LIG1: variants seen among roughly 807,000 people sequenced by gnomAD.
The protein encoded by LIG1 is DNA ligase 1, also known as ligase I, DNA, ATP-dependent.
A neutral mutation model predicts 115.7 loss-of-function variants in LIG1; 70 were observed. That is an observed-to-expected ratio of 0.60 (90% CI 0.50 to 0.74). The LOEUF (loss-of-function observed/expected upper bound fraction) is 0.74, where lower values mean the gene tolerates loss of function less well. LIG1 is among the 30% of genes least tolerant of loss of function. The pLI, the probability that LIG1 is intolerant of heterozygous loss-of-function variation, is 0.00. For missense variants in LIG1, 1,115 were observed against 1,225.6 expected, an observed-to-expected ratio of 0.91 and a Z score of 1.35; for synonymous variants, 487 against 495.3, an observed-to-expected ratio of 0.98 and a Z score of 0.22.
intron 9 of LIG1, among the ~76,000 whole-genome samples, chr19:48,146,421 T>C (rs532402037): frequency 2.0e-4 from 30 of 152,220 alleles, no homozygotes; most frequent in South Asian, 1.0e-3. Context: ...TTTGATGTCA[T>C]GCCTCTACAA....
chr19:48,170,155 C>T, intron 1 of LIG1, 86 bp downstream of exon 1: 1 of 453,180 alleles, frequency 2.2e-6, no homozygotes, highest in Admixed American at 2.4e-5. Context: ...TCTGCAGACA[C>T]CCCGACATGG....
At position 48,127,919 on chromosome 19, in the gene LIG1, G is replaced by T; in HGVS notation, c.1923C>A (p.Arg641=). The change falls in exon 20 of 28, where the codon CGC becomes CGA. Residue 641 remains arginine (R), a synonymous_variant. Transcript: ENST00000263274. ...GAGCGGGTGATGCTACCTTGCGTTT[G>T]CGGGTGGTGAGCACTTGGAATGGCT... ...QIQPFQVLTT[R]KRKEVDASEI... 6.2e-7 allele frequency: 1 copy of T among 1,613,866 alleles called. No individual in the cohort carries two copies. The highest frequency in any genetic ancestry group is 8.5e-7 in the Non-Finnish European group (1 of 1,179,776).
intron 5 of LIG1, among the ~76,000 whole-genome samples, chr19:48,155,844 TTCC>T (rs1176724687): frequency 2.6e-5 from 4 of 152,158 alleles, no homozygotes; most frequent in Non-Finnish European, 5.9e-5. Flanking sequence ...ACCAAAGCTG[TTCC>T]AAAATGATGT....
At chr19:48,146,900 T>C (rs1309935026) in intron 9 of LIG1, among the ~76,000 whole-genome samples, 1 of 152,160 alleles carries the variant, frequency 6.6e-6, no homozygotes, top group East Asian at 1.9e-4. Context: ...CTGTGTGACC[T>C]GGCGAGGCCC....
chr19:48,116,159 G>A lies in LIG1; in HGVS notation c.2584-194C>T, dbSNP rs998556134. The A allele has an allele frequency of 3.5e-5, 21 of 603,930 alleles. No individual in the cohort carries two copies. In the African/African-American group the frequency reaches 3.8e-4, roughly 11 times the overall value. The allele number at this position is 603,930 out of a possible 1,614,324, so 37.4% of individuals were successfully genotyped here. On this transcript the variant is annotated intron_variant, in intron 26 of 27. Transcript: ENST00000263274. The stretch of plus-strand genomic sequence containing the variant: ...AGTAAGTGCTCAAGAAATGCTGCCT[G>A]TTGGCCGGGTGCGGTGGCTCACCCC...
intron 7 of LIG1, among the ~76,000 whole-genome samples, chr19:48,150,938 T>C (rs931435506): frequency 7.2e-5 from 11 of 151,866 alleles, no homozygotes; most frequent in African/African-American, 1.9e-4. Context: ...TGGGCTCAAG[T>C]AGTCCACCCA....
intron 5 of LIG1, among the ~76,000 whole-genome samples, chr19:48,156,420 C>T (rs2035841310): frequency 1.3e-5 from 2 of 152,232 alleles, no homozygotes. Flanking sequence ...GGGCTGGGCC[C>T]AGTTCTGAGC....
rs562330733 is a variant in LIG1 at position 48,129,202 on chromosome 19, G to A, written c.1822-1182C>T. On this transcript the variant is annotated intron_variant, in intron 19 of 27. Transcript: ENST00000263274. ...CAAGTAGCTGGGACTACAAGAGCAC[G>A]CCACCACATCCAGCTAATTTCTGTA... Among the ~76,000 whole-genome samples, 15 of 151,090 alleles carry A rather than the reference G, an allele frequency of 9.9e-5. No homozygotes were observed. The South Asian group carries it at 2.9e-3, about 29-fold the overall frequency.
At chr19:48,161,048 T>C (rs749660086) in intron 4 of LIG1, 67 of 390,648 alleles carry the variant, frequency 1.7e-4, no homozygotes, top group Admixed American at 5.2e-4. Flanking sequence ...TGAGCCCTTG[T>C]TTTACCATCA....
At chr19:48,151,588 T>A (rs970944956) in intron 6 of LIG1, among the ~76,000 whole-genome samples, 3 of 151,944 alleles carry the variant, frequency 2.0e-5, no homozygotes, top group Non-Finnish European at 4.4e-5. Flanking sequence ...CACCACCACA[T>A]CCAGCTATTT....
intron 23 of LIG1, among the ~76,000 whole-genome samples, chr19:48,121,800 TTAAAA>T (rs1258636223): frequency 6.6e-6 from 1 of 151,944 alleles, no homozygotes; most frequent in African/African-American, 2.4e-5. Context: ...AAACTCCGTC[TTAAAA>T]TAAATAAATA....
At chr19:48,146,834 T>C (rs2035147982) in intron 9 of LIG1, among the ~76,000 whole-genome samples, 1 of 152,192 alleles carries the variant, frequency 6.6e-6, no homozygotes, top group Non-Finnish European at 1.5e-5. Flanking sequence ...AAGAAATAAC[T>C]GCTAGGAATC....
chr19:48,165,453 G>T, intron 2 of LIG1, 97 bp downstream of exon 2: 1 of 1,043,108 alleles, frequency 9.6e-7, no homozygotes, highest in Non-Finnish European at 1.5e-6. Context: ...TAACGTAAGA[G>T]TTTTTGTTTG....
chr19:48,140,628 G>A (rs948308339), intron 11 of LIG1, among the ~76,000 whole-genome samples: 2 of 152,058 alleles, frequency 1.3e-5, no homozygotes, highest in African/African-American at 4.8e-5. Context: ...TTGCTCCTGG[G>A]GATAACATCA....
intron 4 of LIG1, among the ~76,000 whole-genome samples, chr19:48,158,660 C>T (rs2035995148): frequency 6.6e-6 from 1 of 152,378 alleles, no homozygotes; most frequent in Non-Finnish European, 1.5e-5. Context: ...GAGGGCACTG[C>T]ATGACTGGAG....
intron 11 of LIG1, among the ~76,000 whole-genome samples, chr19:48,142,195 T>C (rs1459429425): frequency 1.3e-5 from 2 of 151,918 alleles, no homozygotes; most frequent in African/African-American, 2.4e-5. Flanking sequence ...CCCAGCACTT[T>C]GGGAGGCGGA....
intron 2 of LIG1, among the ~76,000 whole-genome samples, chr19:48,162,683 C>T (rs945386192): frequency 6.6e-6 from 1 of 152,142 alleles, no homozygotes; most frequent in African/African-American, 2.4e-5. Flanking sequence ...TCTGCTTGGC[C>T]TCCCAATGTG....
chr19:48,124,282 C>T (rs1313428895), intron 21 of LIG1, among the ~76,000 whole-genome samples: 1 of 152,152 alleles, frequency 6.6e-6, no homozygotes, highest in African/African-American at 2.4e-5. Context: ...AGAGAGGAGC[C>T]ACAAGGGTTA....
chr19:48,144,039 G>T, intron 9 of LIG1, 76 bp from the exon 10 acceptor site: 1 of 1,192,730 alleles, frequency 8.4e-7, no homozygotes, highest in Non-Finnish European at 1.3e-6. Context: ...ACTGTGATGT[G>T]CCAGGCTCTG....
Sources: allele counts gnomAD v4.1 joint callset (sites outside exome capture counted in the v4.1 genomes callset), GRCh38; gene constraint gnomAD v4.1.1; transcripts MANE v1.5; gene names NCBI Gene and HGNC (gene_info 2026-07-23, HGNC 2026-07-21).